Variants in MYRIP observed in about 807,000 individuals in gnomAD.
MYRIP encodes rab effector MyRIP.
In MYRIP, 49 loss-of-function variants were observed where a neutral mutation model predicts 98.0. That is an observed-to-expected ratio of 0.50 (90% CI 0.40 to 0.63). MYRIP has a LOEUF of 0.63. Among genes scored for constraint, MYRIP ranks in the 30% least tolerant of loss-of-function variants. MYRIP has a pLI of 0.00. For synonymous variants in MYRIP, 404 were observed against 409.5 expected (o/e 0.99, Z 0.16); for missense variants, 1,004 against 1,058.2 (o/e 0.95, Z 0.71).
intron 1 of MYRIP, among the ~76,000 whole-genome samples, chr3:39,884,343 G>A (rs1328457538): frequency 2.0e-5 from 3 of 152,090 alleles, no homozygotes; most frequent in Non-Finnish European, 4.4e-5. Context: ...CAATTGTGAT[G>A]GTTAATGTTT....
chr3:39,853,741 A>G (rs1298203987), intron 1 of MYRIP, among the ~76,000 whole-genome samples: 1 of 151,914 alleles, frequency 6.6e-6, no homozygotes, highest in East Asian at 1.9e-4. Flanking sequence ...TTTGCTGTGC[A>G]GAAGCTTTCT....
chr3:40,044,014 TCTC>T (rs759544744), intron 2 of MYRIP, 33 bp from the exon 3 acceptor site: 34 of 1,599,990 alleles, frequency 2.1e-5, no homozygotes, highest in Non-Finnish European at 2.6e-5. Flanking sequence ...GTTGTGTTTC[TCTC>T]CTCCTCCCAT....
At chr3:40,182,423 G>C in intron 9 of MYRIP, 50 bp downstream of exon 9, 1 of 1,570,162 alleles carries the variant, frequency 6.4e-7, no homozygotes, top group Non-Finnish European at 8.7e-7. Context: ...CAAAAGTGTG[G>C]TTTGGAGACA....
At chr3:40,042,118 A>G (rs1180853492) in intron 2 of MYRIP, among the ~76,000 whole-genome samples, 2 of 85,724 alleles carry the variant, frequency 2.3e-5, no homozygotes, top group African/African-American at 3.2e-5. Flanking sequence ...CACCCTATGG[A>G]TGCCTTCAAA....
At chr3:40,003,129 A>G (rs1946558683) in intron 2 of MYRIP, among the ~76,000 whole-genome samples, 1 of 151,844 alleles carries the variant, frequency 6.6e-6, no homozygotes, top group African/African-American at 2.4e-5. Flanking sequence ...TTATATCTGT[A>G]TATCTATATA....
intron 11 of MYRIP, among the ~76,000 whole-genome samples, chr3:40,229,555 T>C (rs1952589341): frequency 6.6e-6 from 1 of 152,180 alleles, no homozygotes; most frequent in African/African-American, 2.4e-5. Flanking sequence ...TGACAGTAGT[T>C]TCGCTACCTC....
At chr3:40,154,737 C>G (rs376146488) in intron 4 of MYRIP, among the ~76,000 whole-genome samples, 1 of 152,030 alleles carries the variant, frequency 6.6e-6, no homozygotes, top group African/African-American at 2.4e-5. Context: ...ATGCATTGTT[C>G]CCCCTGCTGT....
intron 2 of MYRIP, among the ~76,000 whole-genome samples, chr3:39,928,135 A>G (rs1035961148): frequency 6.6e-6 from 1 of 152,046 alleles, no homozygotes; most frequent in African/African-American, 2.4e-5. Flanking sequence ...CACTCAATAT[A>G]AAATAGATTA....
intron 2 of MYRIP, among the ~76,000 whole-genome samples, chr3:39,902,442 A>G (rs1366769843): frequency 1.3e-5 from 2 of 152,180 alleles, no homozygotes; most frequent in Non-Finnish European, 2.9e-5. Flanking sequence ...TTTTCCCTGT[A>G]TCTTTCAGCC....
intron 3 of MYRIP, among the ~76,000 whole-genome samples, chr3:40,130,800 C>A (rs768913308): frequency 4.6e-5 from 7 of 151,982 alleles, no homozygotes; most frequent in Non-Finnish European, 8.8e-5. Flanking sequence ...ATGGGTACTC[C>A]AAATTTAATT....
intron 2 of MYRIP, among the ~76,000 whole-genome samples, chr3:39,997,246 C>T (rs1200003924): frequency 6.6e-6 from 1 of 151,990 alleles, no homozygotes; most frequent in African/African-American, 2.4e-5. Flanking sequence ...AATCTAGGAG[C>T]TGGTTTTTTG....
chr3:39,973,084 C>A (rs937141496), intron 2 of MYRIP, among the ~76,000 whole-genome samples: 2 of 151,696 alleles, frequency 1.3e-5, no homozygotes, highest in East Asian at 3.9e-4. Context: ...GCTAAATGCC[C>A]CAATTAAAAG....
At chr3:39,887,973 G>A (rs1376911414) in intron 1 of MYRIP, among the ~76,000 whole-genome samples, 1 of 150,928 alleles carries the variant, frequency 6.6e-6, no homozygotes, top group African/African-American at 2.5e-5. Context: ...ACTTACAAGG[G>A]ACGTGAAGGA....
At chr3:39,963,228 A>T (rs953278724) in intron 2 of MYRIP, among the ~76,000 whole-genome samples, 2 of 152,096 alleles carry the variant, frequency 1.3e-5, no homozygotes, top group African/African-American at 4.8e-5. Context: ...AGATTAAATG[A>T]GATGATGTGA....
At chr3:40,133,235 A>C (rs543222363) in intron 3 of MYRIP, among the ~76,000 whole-genome samples, 6 of 152,372 alleles carry the variant, frequency 3.9e-5, no homozygotes, top group Middle Eastern at 3.4e-3. Context: ...CCACTCACTG[A>C]TTAAGAACCC....
intron 2 of MYRIP, among the ~76,000 whole-genome samples, chr3:40,010,397 C>T (rs1946735687): frequency 6.6e-6 from 1 of 152,152 alleles, no homozygotes. Flanking sequence ...CTGGCCACCC[C>T]AGATATTCTA....
chr3:39,858,676 A>G (rs1461804582), intron 1 of MYRIP, among the ~76,000 whole-genome samples: 1 of 152,174 alleles, frequency 6.6e-6, no homozygotes, highest in South Asian at 2.1e-4. Flanking sequence ...AGAAGTTTGG[A>G]ATCATTTCAA....
chr3:40,238,268 G>C lies in MYRIP; in HGVS notation c.2100+4215G>C, dbSNP rs74951201. On this transcript the variant is annotated intron_variant, in intron 12 of 16. Transcript: ENST00000302541. ...GTCAGGGAAGGGATGACTTTTCTTC[G>C]TCTCTTTAATTCAACAGATCACAGA... Among the ~76,000 whole-genome samples the C allele has an allele frequency of 1.2e-3, 181 of 152,168 alleles. 1 individual carries two copies. In the East Asian group the frequency reaches 0.028, roughly 24 times the overall value.
intron 2 of MYRIP, among the ~76,000 whole-genome samples, chr3:40,021,207 T>C (rs1946987799): frequency 6.6e-6 from 1 of 152,206 alleles, no homozygotes; most frequent in African/African-American, 2.4e-5. Context: ...TTGATAGTTT[T>C]TGTACACAAA....
Sources: allele counts gnomAD v4.1 joint callset (sites outside exome capture counted in the v4.1 genomes callset), GRCh38; gene constraint gnomAD v4.1.1; transcripts MANE v1.5; gene names NCBI Gene and HGNC (gene_info 2026-07-23, HGNC 2026-07-21).